The following TLK2 variants were observed in gnomAD, a reference collection of about 807,000 sequenced individuals.
TLK2 encodes serine/threonine-protein kinase tousled-like 2.
TLK2 carries 6 observed loss-of-function variants against 117.3 expected under a neutral mutation model. The ratio of observed to expected loss-of-function variants is 0.05; its 90% CI spans 0.03 to 0.10. TLK2 has a LOEUF of 0.10. Ranked by LOEUF, TLK2 falls within the 10% of genes least tolerant of loss-of-function variation. TLK2 has a pLI of 1.00. For synonymous variants in TLK2, 257 were observed against 316.7 expected (o/e 0.81, Z 2.00); for missense variants, 299 against 901.2 (o/e 0.33, Z 8.56).
At chr17:62,590,652 A>C (rs1333829236) in intron 16 of TLK2, among the ~76,000 whole-genome samples, 1 of 152,078 alleles carries the variant, frequency 6.6e-6, no homozygotes, top group Non-Finnish European at 1.5e-5. Flanking sequence ...AGATCATATT[A>C]AATTCTTTTT....
At chr17:62,530,445 G>T (rs2145724885) in intron 6 of TLK2, among the ~76,000 whole-genome samples, 1 of 152,250 alleles carries the variant, frequency 6.6e-6, no homozygotes, top group African/African-American at 2.4e-5. Context: ...CCATCCTGTA[G>T]CATAGAGTGA....
intron 11 of TLK2, among the ~76,000 whole-genome samples, chr17:62,572,132 G>A (rs145053203): frequency 2.0e-5 from 3 of 150,588 alleles, no homozygotes; most frequent in Admixed American, 1.3e-4. Context: ...AGCTGAGATC[G>A]TGCCACTGCA....
At chr17:62,499,391 C>T (rs915252428) in intron 2 of TLK2, among the ~76,000 whole-genome samples, 7 of 151,788 alleles carry the variant, frequency 4.6e-5, no homozygotes, top group African/African-American at 1.5e-4. Flanking sequence ...TCTCGAACTC[C>T]TGGGTTCAAG....
At chr17:62,548,791 C>T (rs901724338) in intron 7 of TLK2, among the ~76,000 whole-genome samples, 14 of 151,452 alleles carry the variant, frequency 9.2e-5, no homozygotes, top group African/African-American at 1.5e-4. Flanking sequence ...GGCTGGAGTG[C>T]GGTGGCATGA....
At position 62,520,886 on chromosome 17, in the gene TLK2, G is replaced by C. The variant is rs556835835; in HGVS notation, c.153+42G>C. 1.9e-6 allele frequency: 3 copies of C among 1,602,914 alleles called. No individual in the cohort carries two copies. The African/African-American group carries it at 4.0e-5, about 22-fold the overall frequency. On this transcript the variant is annotated intron_variant, in intron 3 of 21. Transcript: ENST00000346027. ...ATGGCAGGACTTTTCATACTTGTAC[G>C]TTTGGGCCAGGTTTGGTGGCTCAAG...
At chr17:62,587,524 G>A (rs577788322) in intron 16 of TLK2, among the ~76,000 whole-genome samples, 1 of 152,274 alleles carries the variant, frequency 6.6e-6, no homozygotes, top group East Asian at 1.9e-4. Flanking sequence ...GGCAACTCTT[G>A]CTCTATACCT....
At chr17:62,510,652 A>G (rs2075071860) in intron 2 of TLK2, among the ~76,000 whole-genome samples, 1 of 152,100 alleles carries the variant, frequency 6.6e-6, no homozygotes. Flanking sequence ...GTGGCCTCAT[A>G]TTGTAGTCCC....
At chr17:62,507,923 G>A (rs1394742377) in intron 2 of TLK2, among the ~76,000 whole-genome samples, 1 of 151,706 alleles carries the variant, frequency 6.6e-6, no homozygotes, top group Non-Finnish European at 1.5e-5. Context: ...TTTGCAAACT[G>A]TACTCTTTTA....
intron 16 of TLK2, among the ~76,000 whole-genome samples, chr17:62,588,717 T>C (rs2081847095): frequency 6.6e-6 from 1 of 152,128 alleles, no homozygotes; most frequent in Admixed American, 6.5e-5. Flanking sequence ...CTTAAGTACC[T>C]CCACCTTTCT....
chr17:62,522,366 G>A (rs1291333316), intron 4 of TLK2, 93 bp downstream of exon 4: 1 of 1,350,524 alleles, frequency 7.4e-7, no homozygotes, highest in African/African-American at 1.5e-5. Flanking sequence ...TTGTACACAG[G>A]GATTCCTGAT....
intron 10 of TLK2, among the ~76,000 whole-genome samples, chr17:62,564,098 C>CT (rs1313959040): frequency 2.0e-5 from 3 of 152,116 alleles, no homozygotes; most frequent in Non-Finnish European, 4.4e-5. Context: ...ATGCTGAACT[C>CT]TAAGATTAAA....
rs1436632109 is a variant in TLK2 at position 62,522,224 on chromosome 17, T to G, written c.174T>G (p.Asn58Lys). The change falls in exon 4 of 22, where the codon AAT (asparagine) becomes AAG (lysine). Residue 58 changes from asparagine (N) to lysine (K), a missense_variant. By Grantham distance (94) the Asn-to-Lys change is moderately conservative. Transcript: ENST00000346027. ...KEVETPEKKQ[N>K]DQRNRKRKAE... The stretch of plus-strand genomic sequence containing the variant: ...GACAGACTCCCGAGAAAAAGCAGAA[T>G]GACCAGCGAAATCGGAAAAGAAAAG... The G allele has an allele frequency of 6.2e-7, 1 of 1,613,348 alleles. No homozygotes were observed. The highest frequency in any genetic ancestry group is 8.5e-7 in the Non-Finnish European group (1 of 1,179,812).
intron 7 of TLK2, among the ~76,000 whole-genome samples, chr17:62,542,001 C>T (rs1003774643): frequency 1.3e-5 from 2 of 152,164 alleles, no homozygotes; most frequent in Admixed American, 6.5e-5. Flanking sequence ...AACTTTATGG[C>T]ATTACAACAT....
intron 16 of TLK2, among the ~76,000 whole-genome samples, chr17:62,586,738 G>A (rs953749887): frequency 1.3e-5 from 2 of 151,776 alleles, no homozygotes; most frequent in Non-Finnish European, 2.9e-5. Flanking sequence ...GGAGAATGGC[G>A]TGAACTCGGG....
In TLK2 at chr17:62,508,558, T is replaced by C. The variant is rs574574458; in HGVS notation, c.82-12215T>C. 9.1e-6 allele frequency: 9 copies of C among 985,326 alleles called. No homozygotes were observed. In the East Asian group the frequency reaches 1.0e-3, roughly 112 times the overall value. 61.0% of individuals were successfully genotyped at this position (985,326 alleles called of 1,614,324 possible). ...GTACATCGGATATAACAAAAGGTAC[T>C]GAGGACTTACAAAAAGAAAATACTG... On this transcript the variant is annotated intron_variant, in intron 2 of 21. Transcript: ENST00000346027.
At chr17:62,539,511 ACT>A (rs900091854) in intron 7 of TLK2, among the ~76,000 whole-genome samples, 2 of 123,008 alleles carry the variant, frequency 1.6e-5, no homozygotes, top group Non-Finnish European at 3.2e-5. Context: ...ACAGGGTCTC[ACT>A]CTGTTGCCCA....
chr17:62,607,738 T>G (rs907837846), intron 20 of TLK2, among the ~76,000 whole-genome samples: 2 of 152,140 alleles, frequency 1.3e-5, no homozygotes, highest in Non-Finnish European at 2.9e-5. Flanking sequence ...TGGGTCCTGC[T>G]CTAGATCTCC....
At chr17:62,592,997 C>G (rs1349926232) in intron 16 of TLK2, among the ~76,000 whole-genome samples, 1 of 152,194 alleles carries the variant, frequency 6.6e-6, no homozygotes, top group Non-Finnish European at 1.5e-5. Context: ...GGACGTGGAG[C>G]TCAGGCGGTC....
chr17:62,559,747 T>C (rs948897696), intron 9 of TLK2, among the ~76,000 whole-genome samples: 8 of 152,160 alleles, frequency 5.3e-5, no homozygotes, highest in African/African-American at 1.4e-4. Context: ...CTGTAACTGG[T>C]TATTGGCAGG....
Sources: gnomAD v4.1 joint callset for allele counts (sites outside exome capture counted in the v4.1 genomes callset) on GRCh38, gnomAD v4.1.1 for gene constraint, MANE v1.5 for transcripts, NCBI Gene and HGNC (gene_info 2026-07-23, HGNC 2026-07-21) for gene names.